The following NSMCE2 variants were observed in gnomAD, a reference collection of about 807,000 sequenced individuals.
NSMCE2 encodes E3 SUMO-protein ligase NSE2.
In NSMCE2, 24 loss-of-function variants were observed where a neutral mutation model predicts 23.8. The observed-to-expected ratio is 1.01, with a 90% CI of 0.73 to 1.42. NSMCE2 has a LOEUF of 1.42. Among genes scored for constraint, NSMCE2 ranks in the 40% most tolerant of loss-of-function variants. The pLI, the probability that NSMCE2 is intolerant of heterozygous loss-of-function variation, is 0.00. For synonymous variants in NSMCE2, 92 were observed against 94.1 expected (o/e 0.98, Z 0.13); for missense variants, 284 against 296.5 (o/e 0.96, Z 0.31).
chr8:125,340,194 A>G (rs965100989), intron 5 of NSMCE2, among the ~76,000 whole-genome samples: 26 of 150,190 alleles, frequency 1.7e-4, no homozygotes, highest in Admixed American at 7.9e-4. Context: ...TTTTTTTTGT[A>G]TTTTTAGTAG....
chr8:125,187,176 TAGC>T (rs2130816311), intron 5 of NSMCE2, among the ~76,000 whole-genome samples: 1 of 152,346 alleles, frequency 6.6e-6, no homozygotes, highest in South Asian at 2.1e-4. Flanking sequence ...AGTCACTTAA[TAGC>T]AGCCTACTCT....
chr8:125,127,325 G>A lies in NSMCE2; in HGVS notation c.158-23846G>A, dbSNP rs147304478. Among the ~76,000 whole-genome samples, 4 of 152,252 alleles carry A rather than the reference G, an allele frequency of 2.6e-5. No homozygotes were observed. The East Asian group carries it at 7.7e-4, about 29-fold the overall frequency. The stretch of plus-strand genomic sequence containing the variant: ...ACTGAGAATGTGTGCTGAGGTTGGG[G>A]GAGTACATGATAGTAAGGGCCATGT... On this transcript the variant is annotated intron_variant, in intron 3 of 7. Coordinates refer to ENST00000287437, the MANE Select transcript of NSMCE2 (RefSeq NM_173685.4).
intron 4 of NSMCE2, among the ~76,000 whole-genome samples, chr8:125,151,870 C>T (rs191575656): frequency 3.9e-5 from 6 of 152,200 alleles, no homozygotes; most frequent in East Asian, 3.9e-4. Context: ...ATGAGCAATA[C>T]GATTGCAGTC....
chr8:125,225,071 G>C (rs529899418), intron 5 of NSMCE2, among the ~76,000 whole-genome samples: 2 of 152,214 alleles, frequency 1.3e-5, no homozygotes, highest in Non-Finnish European at 2.9e-5. Context: ...TTCATCCAGT[G>C]GGCTAAATCT....
At chr8:125,220,500 C>T (rs1251501059) in intron 5 of NSMCE2, among the ~76,000 whole-genome samples, 2 of 152,078 alleles carry the variant, frequency 1.3e-5, no homozygotes, top group East Asian at 1.9e-4. Context: ...AAAATTCTTA[C>T]ATTAGAACAT....
intron 5 of NSMCE2, among the ~76,000 whole-genome samples, chr8:125,237,030 T>C (rs1407837539): frequency 6.6e-6 from 1 of 152,206 alleles, no homozygotes; most frequent in African/African-American, 2.4e-5. Context: ...GTTACATTTT[T>C]TAATATTCTT....
chr8:125,206,705 G>A (rs1824130850), intron 5 of NSMCE2, among the ~76,000 whole-genome samples: 1 of 152,200 alleles, frequency 6.6e-6, no homozygotes, highest in African/African-American at 2.4e-5. Context: ...AGGTGGGGAA[G>A]GTGACTTTCA....
chr8:125,307,568 TC>T, intron 5 of NSMCE2, among the ~76,000 whole-genome samples: 1 of 152,316 alleles, frequency 6.6e-6, no homozygotes, highest in East Asian at 1.9e-4. Flanking sequence ...CCACTGAACA[TC>T]ACTCTCACTG....
At chr8:125,349,681 T>G (rs1461338691) in intron 5 of NSMCE2, among the ~76,000 whole-genome samples, 1 of 152,150 alleles carries the variant, frequency 6.6e-6, no homozygotes, top group Non-Finnish European at 1.5e-5. Flanking sequence ...CATAAAACTT[T>G]CTAACTGGTA....
At chr8:125,184,002 T>A (rs1010910249) in intron 5 of NSMCE2, among the ~76,000 whole-genome samples, 1 of 152,058 alleles carries the variant, frequency 6.6e-6, no homozygotes, top group African/African-American at 2.4e-5. Flanking sequence ...GTCAAATAAA[T>A]AGCAATTTTT....
rs571523325 is a variant in NSMCE2, at chr8:125,093,955, T to C, written c.-111+1997T>C. ...AGGACAATAGGTGCAAGCCACTATG[T>C]CTGTGTAAGTTTAAATTTTTTTTTT... On this transcript the variant is annotated intron_variant, in intron 1 of 7. Transcript: ENST00000287437. Among the ~76,000 whole-genome samples, 5 of 152,026 alleles carry C rather than the reference T, an allele frequency of 3.3e-5. No individual in the cohort carries two copies. In the South Asian group the frequency reaches 1.0e-3, roughly 32 times the overall value.
At chr8:125,228,046 A>G (rs991560878) in intron 5 of NSMCE2, among the ~76,000 whole-genome samples, 1 of 152,098 alleles carries the variant, frequency 6.6e-6, no homozygotes, top group African/African-American at 2.4e-5. Flanking sequence ...TGATATTGTC[A>G]ATTTTTAAAG....
intron 5 of NSMCE2, among the ~76,000 whole-genome samples, chr8:125,276,197 G>A (rs1175305984): frequency 6.6e-6 from 1 of 152,146 alleles, no homozygotes. Context: ...GTACTGCCCA[G>A]GGCCAGCATT....
At position 125,272,870 on chromosome 8, in the gene NSMCE2, C is replaced by T. The variant is rs567013018; in HGVS notation, c.419-84349C>T. Among the ~76,000 whole-genome samples, 13 of 128,884 alleles carry T rather than the reference C, an allele frequency of 1.0e-4. No individual in the cohort carries two copies. The South Asian group carries it at 2.4e-3, about 24-fold the overall frequency. The allele number at this position is 128,884 out of a possible 152,430, so 84.6% of individuals were successfully genotyped here. Reference sequence around the variant, plus strand: ...ATACACACACACATATATATACACACGTATACGTGTGTGTATATATATATA... The same window carrying T: ...ATACACACACACATATATATACACATGTATACGTGTGTGTATATATATATA... On this transcript the variant is annotated intron_variant, in intron 5 of 7. Transcript: ENST00000287437.
At chr8:125,143,094 GCACGCA>G (rs1820467735) in intron 3 of NSMCE2, among the ~76,000 whole-genome samples, 1 of 144,874 alleles carries the variant, frequency 6.9e-6, no homozygotes, top group Admixed American at 6.9e-5. Flanking sequence ...CAGTGTGGGT[GCACGCA>G]CACACACACA....
intron 5 of NSMCE2, among the ~76,000 whole-genome samples, chr8:125,186,343 A>ATATT (rs1289339251): frequency 6.6e-6 from 1 of 152,194 alleles, no homozygotes; most frequent in African/African-American, 2.4e-5. Flanking sequence ...TTTACAGTAA[A>ATATT]TGTTTACTGA....
chr8:125,183,634 G>GGTGT (rs59285361), intron 5 of NSMCE2, among the ~76,000 whole-genome samples: 12,724 of 147,528 alleles, frequency 0.086, 633 homozygotes, highest in South Asian at 0.17. Context: ...ATTACTCAGT[G>GGTGT]GTGTGTGTGT....
chr8:125,146,051 T>A (rs931634976), intron 3 of NSMCE2, among the ~76,000 whole-genome samples: 1 of 152,228 alleles, frequency 6.6e-6, no homozygotes, highest in Non-Finnish European at 1.5e-5. Context: ...TCTTAAGGAA[T>A]TTGGAAAGAG....
chr8:125,093,107 A>G (rs902779757), intron 1 of NSMCE2, among the ~76,000 whole-genome samples: 6 of 152,182 alleles, frequency 3.9e-5, no homozygotes, highest in Admixed American at 2.0e-4. Context: ...AATGCCATAA[A>G]CTAGGTAGCT....
Sources: allele counts gnomAD v4.1 joint callset (sites outside exome capture counted in the v4.1 genomes callset), GRCh38; gene constraint gnomAD v4.1.1; transcripts MANE v1.5; gene names NCBI Gene and HGNC (gene_info 2026-07-23, HGNC 2026-07-21).